Variants in CHST10 observed in about 807,000 individuals in gnomAD.
CHST10 encodes carbohydrate sulfotransferase 10, also known as HNK-1 sulfotransferase.
In CHST10, 24 loss-of-function variants were observed where a neutral mutation model predicts 34.7. The ratio of observed to expected loss-of-function variants is 0.69; its 90% CI spans 0.50 to 0.97. CHST10 has a LOEUF of 0.97. Among genes scored for constraint, CHST10 ranks in the 50% least tolerant of loss-of-function variants. The pLI, the probability that CHST10 is intolerant of heterozygous loss-of-function variation, is 0.00. For synonymous variants in CHST10, 161 were observed against 169.3 expected (o/e 0.95, Z 0.38); for missense variants, 402 against 452.1 (o/e 0.89, Z 1.00).
Position 100,406,799 on chromosome 2 carries a change from T to A in CHST10, c.-32-92A>T, listed in dbSNP as rs4149511. ...ACGACAGGTGATTTCAGTCAGTAAG[T>A]ATCAGCACAAATATTTCCGTTTTTT... On this transcript the variant is annotated intron_variant, in intron 2 of 6. Transcript: ENST00000264249. 6.8e-4 allele frequency: 1,022 copies of A among 1,505,090 alleles called. 18 individuals are homozygous for A. In the East Asian group the frequency reaches 0.022, roughly 33 times the overall value. 93.2% of individuals were successfully genotyped at this position (1,505,090 alleles called of 1,614,324 possible). A position where few individuals can be genotyped will look rare whatever the true frequency, so the allele number is the denominator to read the frequency against.
intron 2 of CHST10, among the ~76,000 whole-genome samples, chr2:100,413,931 C>G (rs1252878369): frequency 6.6e-6 from 1 of 152,182 alleles, no homozygotes; most frequent in Non-Finnish European, 1.5e-5. Flanking sequence ...TACCAAAGCC[C>G]TCCTCTGAGC....
At chr2:100,402,425 C>A in intron 4 of CHST10, 139 bp downstream of exon 4, 1 of 676,292 alleles carries the variant, frequency 1.5e-6, no homozygotes. Flanking sequence ...ACAAGGTGAA[C>A]TAACATGGAG....
chr2:100,414,677 T>G (rs1463977608), intron 2 of CHST10, among the ~76,000 whole-genome samples: 1 of 152,214 alleles, frequency 6.6e-6, no homozygotes, highest in African/African-American at 2.4e-5. Flanking sequence ...TCTGTTGTCA[T>G]CCTTACAATT....
chr2:100,406,491 G>A, intron 3 of CHST10, 85 bp downstream of exon 3: 1 of 1,528,440 alleles, frequency 6.5e-7, no homozygotes, highest in South Asian at 1.2e-5. Flanking sequence ...CTCTGTGACA[G>A]AAGTCATCTA....
chr2:100,417,112 G>C (rs1415733967), intron 1 of CHST10: 1 of 1,239,788 alleles, frequency 8.1e-7, no homozygotes, highest in Admixed American at 2.3e-5. Context: ...GATGAAAGAA[G>C]TAAATTGTAG....
chr2:100,409,363 A>G (rs1428631216), intron 2 of CHST10, among the ~76,000 whole-genome samples: 1 of 152,244 alleles, frequency 6.6e-6, no homozygotes, highest in African/African-American at 2.4e-5. Flanking sequence ...CCAGGAAGCC[A>G]GGTGGCCTAG....
chr2:100,393,390 G>A lies in CHST10; in HGVS notation c.926C>T (p.Pro309Leu), dbSNP rs751685534. The change falls in exon 7 of 7, where the codon CCT becomes CTT. Residue 309 changes from proline (P) to leucine (L), a missense_variant. Coordinates refer to ENST00000264249, the MANE Select transcript of CHST10 (RefSeq NM_004854.5). ...IDHLVSYPTI[P>L]PGITVYNRTK... ...TCTGTTATACACGGTAATGCCCGGA[G>A]GGATAGTCGGGTATGACACCAGGTG... is the stretch of plus-strand genomic sequence containing the variant. The A allele has an allele frequency of 1.2e-6, 2 of 1,614,036 alleles. No individual in the cohort carries two copies. The highest frequency in any genetic ancestry group is 1.3e-5 in the African/African-American group (1 of 74,908).
At chr2:100,403,857 C>A (rs1416707114) in intron 3 of CHST10, among the ~76,000 whole-genome samples, 1 of 152,186 alleles carries the variant, frequency 6.6e-6, no homozygotes, top group African/African-American at 2.4e-5. Flanking sequence ...TTTATGGCCA[C>A]GAGCTTAGAG....
chr2:100,403,838 G>A (rs1675444927), intron 3 of CHST10, among the ~76,000 whole-genome samples: 1 of 152,196 alleles, frequency 6.6e-6, no homozygotes, highest in African/African-American at 2.4e-5. Flanking sequence ...TCCAACATGT[G>A]AGAAGCCCTT....
At chr2:100,397,854 C>T (rs1057007102) in intron 5 of CHST10, 54 bp downstream of exon 5, 54 of 1,456,974 alleles carry the variant, frequency 3.7e-5, no homozygotes, top group Non-Finnish European at 5.1e-5. Context: ...CCAGCCTCCT[C>T]AGCACCGGCC....
At chr2:100,406,402 A>C (rs2104211825) in intron 3 of CHST10, among the ~76,000 whole-genome samples, 174 bp downstream of exon 3, 4 of 150,810 alleles carry the variant, frequency 2.7e-5, no homozygotes, top group East Asian at 1.9e-4. Context: ...CTCCCACCCT[A>C]CCTCCCCTCA....
At chr2:100,401,734 G>A (rs941521689) in intron 4 of CHST10, among the ~76,000 whole-genome samples, 6 of 152,116 alleles carry the variant, frequency 3.9e-5, no homozygotes, top group African/African-American at 1.4e-4. Flanking sequence ...TGTCCTACGA[G>A]AAGTAACCTC....
In CHST10 at chr2:100,404,640, A is replaced by G. The variant is rs754588390; in HGVS notation, c.100+1936T>C. On this transcript the variant is annotated intron_variant, in intron 3 of 6. Coordinates refer to ENST00000264249, the MANE Select transcript of CHST10 (RefSeq NM_004854.5). The stretch of plus-strand genomic sequence containing the variant: ...AAACATTCAGCACAAAACTTGATAC[A>G]TCAAAGGAGAATGAGACCTCATTTA... Among the ~76,000 whole-genome samples the G allele has an allele frequency of 9.2e-5, 14 of 152,192 alleles. No individual in the cohort carries two copies. In the South Asian group the frequency reaches 1.7e-3, roughly 18 times the overall value.
At chr2:100,408,010 C>G (rs535882237) in intron 2 of CHST10, 11 of 152,228 alleles carry the variant, frequency 7.2e-5, no homozygotes, top group South Asian at 2.1e-4. Flanking sequence ...ATACTCCCCC[C>G]CAAAACCAGT....
In CHST10 at chr2:100,406,483, C is replaced by G. The variant is rs139240571; in HGVS notation, c.100+93G>C. On this transcript the variant is annotated intron_variant, in intron 3 of 6. Transcript: ENST00000264249. ...CTGCTGGCATGAAAGTCCTTTGACT[C>G]TGTGACAGAAGTCATCTATGCATGT... 6,382 of 1,505,648 alleles carry G rather than the reference C, an allele frequency of 4.2e-3. 24 individuals are homozygous for G. Among genetic ancestry groups the G allele is most frequent in the South Asian group, 7.2e-3 (567 of 78,760 alleles). The allele number at this position is 1,505,648 out of a possible 1,614,324, so 93.3% of individuals were successfully genotyped here. A position where few individuals can be genotyped will look rare whatever the true frequency, so the allele number is the denominator to read the frequency against.
intron 1 of CHST10, chr2:100,417,124 C>A: frequency 8.6e-7 from 1 of 1,168,452 alleles, no homozygotes; most frequent in Non-Finnish European, 1.2e-6. Context: ...AAATTGTAGG[C>A]TCGCACAATA....
Position 100,398,028 on chromosome 2 carries a change from T to A in CHST10, c.307A>T (p.Thr103Ser). The A allele has an allele frequency of 6.2e-7, 1 of 1,613,998 alleles. No homozygotes were observed. The highest frequency in any genetic ancestry group is 8.5e-7 in the Non-Finnish European group (1 of 1,179,984). ...RDDALKNLSH[T>S]PVSKFVLDRI... is the part of the protein sequence containing the mutation. ...TCCAGGACAAACTTGGAGACAGGAGTGTGCGAGAGATTCTTCAGGGCATCA... is the reference window on the plus strand; with the variant it reads ...TCCAGGACAAACTTGGAGACAGGAGAGTGCGAGAGATTCTTCAGGGCATCA... The change falls in exon 5 of 7, where the codon ACT (threonine) becomes TCT (serine). Residue 103 changes from threonine to serine, a missense_variant. Transcript: ENST00000264249.
intron 3 of CHST10, among the ~76,000 whole-genome samples, chr2:100,404,415 G>C (rs1014115220): frequency 6.6e-6 from 1 of 152,178 alleles, no homozygotes; most frequent in South Asian, 2.1e-4. Context: ...AGATCTCACA[G>C]GCAGTATTAA....
At chr2:100,395,051 G>A (rs982380035) in intron 6 of CHST10, among the ~76,000 whole-genome samples, 16 of 152,142 alleles carry the variant, frequency 1.1e-4, no homozygotes, top group Admixed American at 9.8e-4. Flanking sequence ...CAGGGGTTCC[G>A]TCTCTCTACC....
Sources: allele counts gnomAD v4.1 joint callset (sites outside exome capture counted in the v4.1 genomes callset), GRCh38; gene constraint gnomAD v4.1.1; transcripts MANE v1.5; gene names NCBI Gene and HGNC (gene_info 2026-07-23, HGNC 2026-07-21).